The following ERVK3-1 variants were observed in gnomAD, a reference collection of about 807,000 sequenced individuals.
ERVK3-1 encodes HERV-K(HML6-1).
At chr19:58,316,511 A>G (rs149251632), downstream of ERVK3-1, among the ~76,000 whole-genome samples, 372 of 152,282 alleles carry the variant, frequency 2.4e-3, 5 homozygotes, top group East Asian at 0.066. Flanking sequence ...CTCTACTAAA[A>G]ATACAAAAAA....
At chr19:58,307,772 C>T (rs1230397800) in intron 2 of ERVK3-1, among the ~76,000 whole-genome samples, 1 of 147,106 alleles carries the variant, frequency 6.8e-6, no homozygotes. Context: ...GGCCTGGGCC[C>T]CTCAAACAAT....
chr19:58,314,774 C>T (rs371427845), exon 4 of ERVK3-1: 113 of 400,022 alleles, frequency 2.8e-4, no homozygotes, highest in African/African-American at 1.7e-3. Flanking sequence ...AACCACCAAC[C>T]GGCAATTGAA....
intron 2 of ERVK3-1, among the ~76,000 whole-genome samples, chr19:58,307,774 T>TCA (rs1297175485): frequency 6.7e-6 from 1 of 148,460 alleles, no homozygotes; most frequent in African/African-American, 2.6e-5. Flanking sequence ...CCTGGGCCCC[T>TCA]CAAACAATGA....
rs375946760 is a variant in ERVK3-1 at position 58,312,269 on chromosome 19, G to T, written c.101G>T (p.Arg34Leu). Residue 34 changes from arginine to leucine, a missense_variant, in exon 3 of 4, where the codon CGA becomes CTA. By Grantham distance (102) the Arg-to-Leu change is moderately radical. Transcript: ENST00000413518. The surrounding 1 kb of genome is among the most constrained non-coding windows in gnomAD (Gnocchi z 4.7). Reference sequence around the variant, plus strand: ...ACCGTGGGCCTGTTACCTCCAGTACGAGCCATGAGCCAGCGGAATCTGAAT... The same window carrying T: ...ACCGTGGGCCTGTTACCTCCAGTACTAGCCATGAGCCAGCGGAATCTGAAT... The T allele has an allele frequency of 3.0e-5, 12 of 400,158 alleles. No homozygotes were observed. Among genetic ancestry groups the T allele is most frequent in the African/African-American group, 2.5e-4 (12 of 48,734 alleles). 24.8% of individuals were successfully genotyped at this position (400,158 alleles called of 1,614,324 possible).
rs891289168 is a variant in ERVK3-1 at position 58,312,579 on chromosome 19, G to A, written c.294+117G>A. On this transcript the variant is annotated intron_variant, in intron 3 of 3. Transcript: ENST00000413518. This position sits in a 1 kb window ranked among gnomAD's most constrained non-coding sequence, Gnocchi z 4.7. ...CTGAGATATATTATGATCAGGGAGC[G>A]TGGGCACCAGGACCCCTAACTCCGT... 7.5e-6 allele frequency: 3 copies of A among 398,342 alleles called. No homozygotes were observed. The highest frequency in any genetic ancestry group is 1.4e-4 in the South Asian group (1 of 7,034). 24.7% of individuals were successfully genotyped at this position (398,342 alleles called of 1,614,324 possible).
intron 2 of ERVK3-1, chr19:58,309,374 A>C (rs2051543020): frequency 6.6e-6 from 1 of 152,222 alleles, no homozygotes; most frequent in African/African-American, 2.4e-5. Flanking sequence ...ATACTTAGAT[A>C]CTACTGTTAC....
rs189350780 is a variant in ERVK3-1 at position 58,308,225 on chromosome 19, A to G, written c.-4+2009A>G. Among the ~76,000 whole-genome samples the G allele has an allele frequency of 3.5e-3, 540 of 152,370 alleles. 2 individuals are homozygous for G. The highest frequency in any genetic ancestry group is 0.01 in the African/African-American group (420 of 41,588). ...GTACAACTACACAGGAAATTTACCT[A>G]TCCCAACCCATAGCTTCTAATTGAC... is the stretch of plus-strand genomic sequence containing the variant. On this transcript the variant is annotated intron_variant, in intron 2 of 3. Transcript: ENST00000413518.
intron 2 of ERVK3-1, chr19:58,309,857 C>T (rs2051545689): frequency 6.6e-6 from 1 of 152,210 alleles, no homozygotes; most frequent in African/African-American, 2.4e-5. Context: ...ATTATTGTTA[C>T]CTTGGATTCC....
At chr19:58,305,765 G>A (rs2051518220) in intron 1 of ERVK3-1, among the ~76,000 whole-genome samples, 1 of 152,244 alleles carries the variant, frequency 6.6e-6, no homozygotes, top group Non-Finnish European at 1.5e-5. Flanking sequence ...AAAGCAGGAT[G>A]TTGGTAAACT....
At chr19:58,307,866 G>A (rs149529554) in intron 2 of ERVK3-1, among the ~76,000 whole-genome samples, 109 of 152,296 alleles carry the variant, frequency 7.2e-4, no homozygotes, top group African/African-American at 2.3e-3. Context: ...CTGGAACACC[G>A]GGGAGTGCAG....
chr19:58,314,822 C>CA, exon 4 of ERVK3-1: 1 of 399,962 alleles, frequency 2.5e-6, no homozygotes, highest in East Asian at 3.6e-5. Flanking sequence ...TCAATTAATG[C>CA]AAAAACAAAA....
rs756219399 is a variant in ERVK3-1, at chr19:58,312,477, TGTA to T, written c.294+17_294+19del. The T allele has an allele frequency of 2.5e-6, 1 of 400,006 alleles. No individual in the cohort carries two copies. 24.8% of individuals were successfully genotyped at this position (400,006 alleles called of 1,614,324 possible). On this transcript the variant is annotated intron_variant, in intron 3 of 3. Transcript: ENST00000413518. The surrounding 1 kb of genome is among the most constrained non-coding windows in gnomAD (Gnocchi z 4.7). ...TGTCCTGTGCGGTATGTTTCCCCTG[TGTA>T]GAGGCAAAAACATATTGGGCATATG...
At chr19:58,309,782 T>G (rs1050655755) in intron 2 of ERVK3-1, 1 of 152,232 alleles carries the variant, frequency 6.6e-6, no homozygotes, top group Non-Finnish European at 1.5e-5. Context: ...CTTGCTTTAG[T>G]CACACAACTT....
intron 2 of ERVK3-1, among the ~76,000 whole-genome samples, chr19:58,308,056 G>A (rs973945766): frequency 2.0e-5 from 3 of 152,210 alleles, no homozygotes; most frequent in Non-Finnish European, 2.9e-5. Flanking sequence ...GATTATGAAG[G>A]AGAAATTCAA....
chr19:58,307,625 C>T (rs1485186174), intron 2 of ERVK3-1, among the ~76,000 whole-genome samples: 1 of 149,994 alleles, frequency 6.7e-6, no homozygotes, highest in Non-Finnish European at 1.5e-5. Flanking sequence ...CTCCCCGCCC[C>T]GCTCCCCCCA....
At position 58,313,508 on chromosome 19, in the gene ERVK3-1, C is replaced by G. The variant is rs1211635064; in HGVS notation, c.294+1046C>G. ...GGATTTCACCTTCTTGGCCAGGCTG[C>G]TCTTGAATTCCTGACCTCGTGATCC... On this transcript the variant is annotated intron_variant, in intron 3 of 3. Coordinates refer to ENST00000413518, the Ensembl canonical transcript of ERVK3-1. The surrounding 1 kb of genome is among the most constrained non-coding windows in gnomAD (Gnocchi z 4.5). 3.3e-5 allele frequency among the ~76,000 whole-genome samples: 5 copies of G among 152,160 alleles called. No individual in the cohort carries two copies. Among genetic ancestry groups the G allele is most frequent in the African/African-American group, 1.2e-4 (5 of 41,434 alleles).
intron 2 of ERVK3-1, chr19:58,309,221 A>G (rs1400253508): frequency 6.6e-6 from 1 of 152,198 alleles, no homozygotes; most frequent in Non-Finnish European, 1.5e-5. Flanking sequence ...CACCACCTAC[A>G]TCATTCATTA....
chr19:58,305,585 AGAGAGGCGCGCGGTGCGTGAGGGCGC>A (rs1377099322), intron 1 of ERVK3-1, 140 bp downstream of exon 1: 3 of 115,660 alleles, frequency 2.6e-5, no homozygotes, highest in African/African-American at 8.7e-5. Flanking sequence ...CGGCGCGGGC[AGAGAGGCGCGCGGTGCGTGAGGGCGC>A]GACCTGCCAT....
At position 58,314,326 on chromosome 19, in the gene ERVK3-1, C is replaced by G. The variant is rs58115056; in HGVS notation, c.295-422C>G. Among the ~76,000 whole-genome samples, 466 of 152,198 alleles carry G rather than the reference C, an allele frequency of 3.1e-3. 1 individual carries two copies. Among genetic ancestry groups the G allele is most frequent in the African/African-American group, 1.0e-2 (415 of 41,512 alleles). On this transcript the variant is annotated intron_variant, in intron 3 of 3. Coordinates refer to ENST00000413518, the Ensembl canonical transcript of ERVK3-1. Reference sequence around the variant, plus strand: ...AAGCTTAAACAGAATTCCAGCAGGGCTTAGAAAGCCTCAACCCTGGCCGGG... The same window carrying G: ...AAGCTTAAACAGAATTCCAGCAGGGGTTAGAAAGCCTCAACCCTGGCCGGG...
Sources: gnomAD v4.1 joint callset for allele counts (sites outside exome capture counted in the v4.1 genomes callset) on GRCh38, gnomAD v4.1.1 for gene constraint, Gnocchi (gnomAD v3.1) non-coding constraint, MANE v1.5 for transcripts, NCBI Gene and HGNC (gene_info 2026-07-23, HGNC 2026-07-21) for gene names.